The following HARS1 variants were observed in gnomAD, a reference collection of about 807,000 sequenced individuals.
HARS1 encodes the protein histidyl-tRNA synthetase 1, also known as histidine--tRNA ligase, cytoplasmic.
HARS1 carries 45 observed loss-of-function variants against 63.6 expected under a neutral mutation model. The ratio of observed to expected loss-of-function variants is 0.71; its 90% confidence interval spans 0.56 to 0.91. The LOEUF is 0.91. Ranked by LOEUF, HARS1 falls within the 40% of genes least tolerant of loss-of-function variation. The pLI is 0.00. For missense variants in HARS1, 508 were observed against 643.2 expected, an observed-to-expected ratio of 0.79 and a Z score of 2.27; for synonymous variants, 205 against 247.1, an observed-to-expected ratio of 0.83 and a Z score of 1.60.
intron 5 of HARS1, 65 bp from the exon 6 acceptor site, chr5:140,678,080 GCTC>G: frequency 1.2e-6 from 1 of 851,080 alleles, no homozygotes; most frequent in South Asian, 1.4e-5. Flanking sequence ...GACTCTGGGA[GCTC>G]TGTCCTCTAG....
intron 2 of HARS1, among the ~76,000 whole-genome samples, chr5:140,690,217 T>C (rs1020564135): frequency 6.6e-6 from 1 of 152,192 alleles, no homozygotes; most frequent in African/African-American, 2.4e-5. Flanking sequence ...TTTGGGAGAC[T>C]GAGGCGGGCA....
chr5:140,690,027 C>T (rs1367707834), intron 2 of HARS1, among the ~76,000 whole-genome samples: 5 of 152,228 alleles, frequency 3.3e-5, no homozygotes, highest in Non-Finnish European at 7.3e-5. Context: ...TGGCTATCTC[C>T]TACTCATTCA....
intron 6 of HARS1, 49 bp from the exon 7 acceptor site, chr5:140,677,802 A>G (rs1015982495): frequency 2.1e-6 from 3 of 1,412,172 alleles, no homozygotes; most frequent in Non-Finnish European, 3.0e-6. Context: ...TTCTTACATG[A>G]CCTGCAATAG....
At chr5:140,684,337 TAAC>T (rs1410934265) in intron 2 of HARS1, 4 of 982,058 alleles carry the variant, frequency 4.1e-6, no homozygotes, top group Non-Finnish European at 3.6e-6. Context: ...ACAAAAATAA[TAAC>T]AACAAAAAAA....
intron 3 of HARS1, chr5:140,682,854 A>G: frequency 2.3e-6 from 1 of 433,482 alleles, no homozygotes; most frequent in Non-Finnish European, 4.1e-6. Context: ...CAATGTAGAG[A>G]GGACCCAGAA....
intron 5 of HARS1, 102 bp from the exon 6 acceptor site, chr5:140,678,117 T>C: frequency 4.4e-6 from 3 of 685,192 alleles, no homozygotes; most frequent in Non-Finnish European, 8.0e-6. Context: ...CACTCAAGCA[T>C]AGAATTTCTC....
In HARS1 at chr5:140,676,801, T is replaced by C. The variant is rs1581504369; in HGVS notation, c.1047A>G (p.Glu349=). 1 of 1,614,264 alleles carries C rather than the reference T, an allele frequency of 6.2e-7. No individual in the cohort carries two copies. The highest frequency in any genetic ancestry group is 8.5e-7 in the Non-Finnish European group (1 of 1,180,038). The change falls in exon 10 of 13, where the codon GAA becomes GAG. Residue 349 remains glutamate (E), a synonymous_variant. Coordinates refer to ENST00000504156, the MANE Select transcript of HARS1 (RefSeq NM_002109.6). The surrounding 1 kb of genome is among the most constrained non-coding windows in gnomAD (Gnocchi z 4.1). ...CCACACTGCCCACACCCAGGGGCTC[T>C]TCCCCTGCCTGGGCTGGGGTCTGTA... ...VLLQTPAQAG[E]EPLGVGSVAA... is the part of the protein sequence containing the mutation.
Position 140,677,739 on chromosome 5 carries a change from G to T in HARS1, c.645C>A (p.Arg215=). The T allele has an allele frequency of 6.2e-7, 1 of 1,609,414 alleles. No individual in the cohort carries two copies. The highest frequency in any genetic ancestry group is 8.5e-7 in the Non-Finnish European group (1 of 1,177,544). The change falls in exon 7 of 13, where the codon CGC becomes CGA. Residue 215 remains arginine, a synonymous_variant. Transcript: ENST00000504156. ...GDFLVKVNDR[R]ILDGMFAICG... is the part of the protein sequence containing the mutation. ...AGATAGCAAACATCCCATCTAGAAT[G>T]CGTCGATCGTTTACCTGCAAGGAAC...
intron 3 of HARS1, among the ~76,000 whole-genome samples, chr5:140,680,866 T>C (rs1393211206): frequency 1.3e-5 from 2 of 151,466 alleles, no homozygotes; most frequent in African/African-American, 2.4e-5. Context: ...CCCCATAACA[T>C]TTCAATATCT....
At position 140,676,685 on chromosome 5, in the gene HARS1, C is replaced by A; in HGVS notation, c.1163G>T (p.Arg388Leu). Reference sequence around the variant, plus strand: ...TCTCTGTTCCACGATGGAGAAAATCCGCTCCACCCCAATGCTGAGCCCCAC... The same window carrying A: ...TCTCTGTTCCACGATGGAGAAAATCAGCTCCACCCCAATGCTGAGCCCCAC... ...PCVGLSIGVE[R>L]IFSIVEQRLE... Residue 388 changes from arginine (R) to leucine (L), a missense_variant, in exon 10 of 13, where the codon CGG becomes CTG. Around this residue, in one of 2 missense-constraint regions of HARS1, gnomAD observed 403 missense variants for 548.7 expected, o/e 0.73. Transcript: ENST00000504156. The surrounding 1 kb of genome is among the most constrained non-coding windows in gnomAD (Gnocchi z 4.1). 1 of 1,614,168 alleles carries A rather than the reference C, an allele frequency of 6.2e-7. No individual in the cohort carries two copies.
chr5:140,676,714 T>C lies in HARS1; in HGVS notation c.1134A>G (p.Pro378=), dbSNP rs769725672. The change falls in exon 10 of 13, where the codon CCA becomes CCG. Residue 378 remains proline (P), a synonymous_variant. Transcript: ENST00000504156. This position sits in a 1 kb window ranked among gnomAD's most constrained non-coding sequence, Gnocchi z 4.1. ...CCACCCCAATGCTGAGCCCCACACA[T>C]GGCACCTTGCGCCCTTTGGGGTCGA... ...GMFDPKGRKV[P]CVGLSIGVER... 8 of 1,614,212 alleles carry C rather than the reference T, an allele frequency of 5.0e-6. No homozygotes were observed. The South Asian group carries it at 7.7e-5, about 16-fold the overall frequency.
At chr5:140,678,743 C>T (rs1758539248) in intron 5 of HARS1, 1 of 283,144 alleles carries the variant, frequency 3.5e-6, no homozygotes, top group Non-Finnish European at 6.6e-6. Flanking sequence ...ACTCAGGTGG[C>T]TGAGGCAGAA....
At chr5:140,677,835 T>C in intron 6 of HARS1, 73 bp downstream of exon 6, 1 of 1,371,780 alleles carries the variant, frequency 7.3e-7, no homozygotes, top group Non-Finnish European at 1.0e-6. Context: ...AGGCTACTGG[T>C]CCCTCTGCAC....
chr5:140,676,565 A>AAAGCAGC lies in HARS1; in HGVS notation c.1194+82_1194+88dup. 7.2e-7 allele frequency: 1 copy of AAAGCAGC among 1,393,310 alleles called. No homozygotes were observed. Among genetic ancestry groups the AAAGCAGC allele is most frequent in the Non-Finnish European group, 1.0e-6 (1 of 1,004,424 alleles). The allele number at this position is 1,393,310 out of a possible 1,614,324, so 86.3% of individuals were successfully genotyped here. Reference sequence around the variant, plus strand: ...CATTTCTGTGAGATGCTCCCTGCCCAAAGCAGCACCACTTGCTCCCTTGGA... The same window carrying AAAGCAGC: ...CATTTCTGTGAGATGCTCCCTGCCCAAAGCAGCAAGCAGCACCACTTGCTCCCTTGGA... On this transcript the variant is annotated intron_variant, in intron 10 of 12. Coordinates refer to ENST00000504156, the MANE Select transcript of HARS1 (RefSeq NM_002109.6). The surrounding 1 kb of genome is among the most constrained non-coding windows in gnomAD (Gnocchi z 4.1).
chr5:140,690,816 A>G (rs892491156), intron 2 of HARS1, 39 bp downstream of exon 2: 3 of 1,118,932 alleles, frequency 2.7e-6, no homozygotes, highest in Non-Finnish European at 4.1e-6. Context: ...GAGTAGAGTT[A>G]GAGACTTTCT....
At chr5:140,675,896 A>G (rs1758335910) in intron 10 of HARS1, 1 of 152,250 alleles carries the variant, frequency 6.6e-6, no homozygotes, top group South Asian at 2.1e-4. Flanking sequence ...CAACTGGGAA[A>G]TGGGTGGTTT....
chr5:140,674,966 T>G, intron 11 of HARS1, 51 bp downstream of exon 11: 3 of 1,477,124 alleles, frequency 2.0e-6, no homozygotes, highest in Non-Finnish European at 2.8e-6. Flanking sequence ...TTATTCAGTT[T>G]GTGTCCAGCA....
rs963604178 is a variant in HARS1, at chr5:140,683,509, T to A, written c.181-290A>T. Reference sequence around the variant, plus strand: ...ATTTTTCTAAACACTCTCTCTCAGATAACAGAACATTTCCTGGCCTAATAA... The same window carrying A: ...ATTTTTCTAAACACTCTCTCTCAGAAAACAGAACATTTCCTGGCCTAATAA... On this transcript the variant is annotated intron_variant, in intron 2 of 12. Coordinates refer to ENST00000504156, the MANE Select transcript of HARS1 (RefSeq NM_002109.6). 2.6e-6 allele frequency: 3 copies of A among 1,142,554 alleles called. No individual in the cohort carries two copies. In the African/African-American group the frequency reaches 4.8e-5, roughly 18 times the overall value. 70.8% of individuals were successfully genotyped at this position (1,142,554 alleles called of 1,614,324 possible).
intron 3 of HARS1, 82 bp downstream of exon 3, chr5:140,683,017 AC>A: frequency 7.6e-7 from 1 of 1,310,272 alleles, no homozygotes; most frequent in Non-Finnish European, 1.1e-6. Context: ...GGCCCTTTGG[AC>A]CCTCACTCTC....
Sources: gnomAD v4.1 joint callset for allele counts (sites outside exome capture counted in the v4.1 genomes callset) on GRCh38, gnomAD v4.1.1 for gene constraint, gnomAD v4.1.1 regional missense constraint, Gnocchi (gnomAD v3.1) non-coding constraint, MANE v1.5 for transcripts, NCBI Gene and HGNC (gene_info 2026-07-23, HGNC 2026-07-21) for gene names.